SLCO1B3: variants seen among roughly 807,000 people sequenced by gnomAD.
SLCO1B3 encodes the protein solute carrier organic anion transporter family member 1B3.
In SLCO1B3, 72 loss-of-function variants were observed where a neutral mutation model predicts 71.8. The observed-to-expected ratio is 1.00, with a 90% CI of 0.83 to 1.22. SLCO1B3 has a LOEUF of 1.22. Ranked by LOEUF, SLCO1B3 falls within the 50% of genes most tolerant of loss-of-function variation. The pLI, the probability that SLCO1B3 is intolerant of heterozygous loss-of-function variation, is 0.00. For synonymous variants in SLCO1B3, 298 were observed against 278.4 expected (o/e 1.07, Z -0.70); for missense variants, 911 against 819.7 (o/e 1.11, Z -1.36).
intron 13 of SLCO1B3, among the ~76,000 whole-genome samples, chr12:20,886,703 T>C (rs1429239978): frequency 2.0e-5 from 3 of 151,998 alleles, no homozygotes; most frequent in Admixed American, 6.6e-5. Flanking sequence ...AAAAAGGCTG[T>C]TTTGGTTGTT....
chr12:20,826,036 G>C (rs1274780778), intron 3 of SLCO1B3, among the ~76,000 whole-genome samples: 1 of 152,050 alleles, frequency 6.6e-6, no homozygotes, highest in African/African-American at 2.4e-5. Context: ...TATTATGTTT[G>C]CTTTTTCCTA....
intron 15 of SLCO1B3, among the ~76,000 whole-genome samples, chr12:20,914,071 G>A (rs1186233769): frequency 6.6e-6 from 1 of 151,944 alleles, no homozygotes; most frequent in African/African-American, 2.4e-5. Flanking sequence ...GCTTATTTTG[G>A]TCTTTTAATT....
chr12:20,837,247 G>A (rs1864704091), intron 3 of SLCO1B3, among the ~76,000 whole-genome samples: 1 of 151,470 alleles, frequency 6.6e-6, no homozygotes, highest in Non-Finnish European at 1.5e-5. Context: ...AAATTTTATG[G>A]ATCTTTCTAA....
At position 20,862,748 on chromosome 12, in the gene SLCO1B3, A is replaced by T. The variant is rs1865293894; in HGVS notation, c.629-8A>T. ...ACATCTGATTAAATTGTTTTGTAAT[A>T]CTTACAGGTAGTTTGAATGCAATAG... On this transcript the variant is annotated splice_region_variant and splice_polypyrimidine_tract_variant and intron_variant, in intron 7 of 15. Transcript: ENST00000381545. 6.3e-7 allele frequency: 1 copy of T among 1,595,350 alleles called. No individual in the cohort carries two copies. Among genetic ancestry groups the T allele is most frequent in the Non-Finnish European group, 8.6e-7 (1 of 1,167,220 alleles).
At chr12:20,833,814 C>T (rs1412748433) in intron 3 of SLCO1B3, among the ~76,000 whole-genome samples, 2 of 146,172 alleles carry the variant, frequency 1.4e-5, no homozygotes, top group African/African-American at 2.5e-5. Flanking sequence ...GTGTATATAT[C>T]TATATATGCA....
chr12:20,836,555 G>A (rs905857925), intron 3 of SLCO1B3, among the ~76,000 whole-genome samples: 2 of 152,104 alleles, frequency 1.3e-5, no homozygotes, highest in South Asian at 2.1e-4. Flanking sequence ...TGTGAAGAAG[G>A]TTGTATACAA....
chr12:20,904,342 C>G (rs1866191672), intron 15 of SLCO1B3, among the ~76,000 whole-genome samples: 1 of 152,008 alleles, frequency 6.6e-6, no homozygotes, highest in African/African-American at 2.4e-5. Flanking sequence ...AAAGGGGTTA[C>G]AAGCCCCATG....
At chr12:20,867,984 G>A (rs1200791086) in intron 8 of SLCO1B3, among the ~76,000 whole-genome samples, 1 of 152,128 alleles carries the variant, frequency 6.6e-6, no homozygotes, top group Non-Finnish European at 1.5e-5. Context: ...TCAATGTGAA[G>A]AGATGAGGAT....
chr12:20,863,949 T>G (rs1360409326), intron 8 of SLCO1B3, among the ~76,000 whole-genome samples: 1 of 152,106 alleles, frequency 6.6e-6, no homozygotes, highest in Non-Finnish European at 1.5e-5. Flanking sequence ...TTCTTAGATT[T>G]TTTTTTAAAT....
chr12:20,817,894 G>T (rs1864220874), intron 3 of SLCO1B3, among the ~76,000 whole-genome samples: 1 of 152,072 alleles, frequency 6.6e-6, no homozygotes. Context: ...TGGCCACTCT[G>T]TAGTCACTCT....
chr12:20,882,336 G>A (rs7956415), intron 12 of SLCO1B3, among the ~76,000 whole-genome samples: 110,171 of 152,016 alleles, frequency 0.72, 42,494 homozygotes, highest in South Asian at 0.9. Flanking sequence ...ATTCCTCCAT[G>A]TTATTCCTAT....
chr12:20,860,207 C>T (rs565640645), intron 5 of SLCO1B3, among the ~76,000 whole-genome samples: 131 of 152,170 alleles, frequency 8.6e-4, no homozygotes, highest in African/African-American at 3.1e-3. Context: ...TGCCCGCCTC[C>T]ACCTCCCAAA....
At chr12:20,812,812 G>A (rs1473779588) in intron 1 of SLCO1B3, among the ~76,000 whole-genome samples, 2 of 152,126 alleles carry the variant, frequency 1.3e-5, no homozygotes, top group Non-Finnish European at 2.9e-5. Context: ...TATTTGTTTA[G>A]TATAAAGAAA....
intron 13 of SLCO1B3, among the ~76,000 whole-genome samples, chr12:20,891,901 CTCT>C (rs1275690808): frequency 6.6e-6 from 1 of 151,888 alleles, no homozygotes; most frequent in Non-Finnish European, 1.5e-5. Flanking sequence ...TAAAATCTTT[CTCT>C]TCTTTTATAC....
intron 2 of SLCO1B3, among the ~76,000 whole-genome samples, chr12:20,814,179 C>T (rs1387020161): frequency 6.6e-6 from 1 of 152,050 alleles, no homozygotes; most frequent in East Asian, 1.9e-4. Context: ...AAGAATACAT[C>T]TCTAAACCTT....
intron 3 of SLCO1B3, among the ~76,000 whole-genome samples, chr12:20,819,445 GAA>G (rs1477538260): frequency 1.3e-5 from 2 of 152,152 alleles, no homozygotes; most frequent in African/African-American, 4.8e-5. Context: ...AAGTGAAAGC[GAA>G]GAGAGGCTTG....
At chr12:20,827,761 G>A (rs1484355181) in intron 3 of SLCO1B3, among the ~76,000 whole-genome samples, 2 of 152,056 alleles carry the variant, frequency 1.3e-5, no homozygotes, top group African/African-American at 4.8e-5. Context: ...TGTAGAGACA[G>A]GGTTTACCAT....
At chr12:20,848,912 C>G (rs182222204) in intron 3 of SLCO1B3, among the ~76,000 whole-genome samples, 6 of 152,042 alleles carry the variant, frequency 3.9e-5, no homozygotes, top group Non-Finnish European at 8.8e-5. Flanking sequence ...TGAAGAAGAC[C>G]TATCAATATA....
At chr12:20,811,905 A>ATTTTTTTTTTTTT (rs11292391) in intron 1 of SLCO1B3, among the ~76,000 whole-genome samples, 5 of 114,856 alleles carry the variant, frequency 4.4e-5, no homozygotes, top group African/African-American at 6.4e-5. Context: ...TACTTGATAC[A>ATTTTTTTTTTTTT]TTTTTTTTTT....
Sources: allele counts gnomAD v4.1 joint callset (sites outside exome capture counted in the v4.1 genomes callset), GRCh38; gene constraint gnomAD v4.1.1; transcripts MANE v1.5; gene names NCBI Gene and HGNC (gene_info 2026-07-23, HGNC 2026-07-21).